Variants in TBL1Y observed in about 807,000 individuals in gnomAD.
TBL1Y encodes the protein F-box-like/WD repeat-containing protein TBL1Y.
A neutral mutation model predicts 12.0 loss-of-function variants in TBL1Y; 15 were observed. The observed-to-expected ratio is 1.25, with a 90% CI of 0.83 to 1.92. TBL1Y has a LOEUF of 1.92. Ranked by LOEUF, TBL1Y falls within the 40% of genes most tolerant of loss-of-function variation. TBL1Y has a pLI of 0.00. For missense variants in TBL1Y, 148 were observed against 116.7 expected, an observed-to-expected ratio of 1.27 and a Z score of -1.24; for synonymous variants, 53 against 42.6, an observed-to-expected ratio of 1.24 and a Z score of -0.95.
At chrY:6,981,933 C>G (rs2012284689) in intron 3 of TBL1Y, among the ~76,000 whole-genome samples, 1 of 33,111 alleles carries the variant, frequency 3.0e-5, no homozygotes, top group East Asian at 7.9e-4. Context: ...GATTACTGCT[C>G]AGTAGTGCCC....
chrY:7,064,292 T>C, intron 8 of TBL1Y, 143 bp downstream of exon 8: 2 of 177,221 alleles, frequency 1.1e-5, no homozygotes, highest in South Asian at 5.1e-5. Context: ...GCTTTCAATC[T>C]ACCCAGAAGA....
chrY:7,058,807 G>A (rs946322280), intron 7 of TBL1Y, among the ~76,000 whole-genome samples: 1 of 33,076 alleles, frequency 3.0e-5, no homozygotes, highest in African/African-American at 1.2e-4. Flanking sequence ...TCAAAGAAAC[G>A]CATTTCAAAG....
chrY:7,065,014 T>C (rs946886917), intron 8 of TBL1Y, among the ~76,000 whole-genome samples: 4 of 33,592 alleles, frequency 1.2e-4, no homozygotes, highest in Non-Finnish European at 2.9e-4. Context: ...ATACCCAGCT[T>C]GTACCTACAG....
At chrY:7,078,046 C>T in intron 13 of TBL1Y, among the ~76,000 whole-genome samples, 1 of 33,300 alleles carries the variant, frequency 3.0e-5, no homozygotes, top group South Asian at 6.9e-4. Flanking sequence ...CATGGTGGCT[C>T]ACACTAGCAG....
At chrY:6,997,773 G>A in intron 4 of TBL1Y, among the ~76,000 whole-genome samples, 1 of 34,094 alleles carries the variant, frequency 2.9e-5, no homozygotes, top group East Asian at 7.9e-4. Context: ...AATGCATTGG[G>A]TTAGTTTCTG....
chrY:7,051,476 C>G (rs747358935), intron 7 of TBL1Y, among the ~76,000 whole-genome samples: 1 of 33,756 alleles, frequency 3.0e-5, no homozygotes, highest in African/African-American at 1.1e-4. Flanking sequence ...GCATACCAGC[C>G]TGGGCAACAA....
chrY:6,934,002 A>G (rs2011884365), intron 2 of TBL1Y, among the ~76,000 whole-genome samples: 1 of 33,230 alleles, frequency 3.0e-5, no homozygotes, highest in South Asian at 7.0e-4. Context: ...GTCTGCATAT[A>G]TTCCGTGGAA....
chrY:6,943,758 T>G (rs2011967890), intron 2 of TBL1Y, among the ~76,000 whole-genome samples: 1 of 34,096 alleles, frequency 2.9e-5, no homozygotes, highest in Non-Finnish European at 7.3e-5. Flanking sequence ...AACTAAAGCA[T>G]GAAGATGGTC....
chrY:6,973,908 G>A, intron 2 of TBL1Y, among the ~76,000 whole-genome samples: 1 of 33,255 alleles, frequency 3.0e-5, no homozygotes, highest in Non-Finnish European at 7.4e-5. Flanking sequence ...CCTAAGAAGC[G>A]TGTGTAAATG....
At chrY:6,943,680 C>T (rs2011967287) in intron 2 of TBL1Y, among the ~76,000 whole-genome samples, 1 of 33,678 alleles carries the variant, frequency 3.0e-5, no homozygotes, top group African/African-American at 1.2e-4. Flanking sequence ...CCACAAAAAC[C>T]AAGCAACCAA....
At chrY:6,958,959 G>A (rs1603029874) in intron 2 of TBL1Y, among the ~76,000 whole-genome samples, 9 of 33,401 alleles carry the variant, frequency 2.7e-4, no homozygotes, top group Non-Finnish European at 5.2e-4. Flanking sequence ...TTACTAACCC[G>A]CCTCAGCACA....
chrY:6,915,503 T>G (rs2011728326), intron 2 of TBL1Y, among the ~76,000 whole-genome samples: 1 of 33,449 alleles, frequency 3.0e-5, no homozygotes, highest in African/African-American at 1.2e-4. Flanking sequence ...TCAGTGAGGA[T>G]AGGGGAAAAA....
At chrY:6,995,458 A>G in intron 3 of TBL1Y, among the ~76,000 whole-genome samples, 2 of 33,862 alleles carry the variant, frequency 5.9e-5, no homozygotes, top group South Asian at 1.4e-3. Flanking sequence ...GTAACAAGGC[A>G]GTACTCTGAG....
At chrY:6,915,371 C>T (rs770972561) in intron 2 of TBL1Y, among the ~76,000 whole-genome samples, 2 of 34,089 alleles carry the variant, frequency 5.9e-5, no homozygotes, top group South Asian at 1.3e-3. Flanking sequence ...CCTTAAATCA[C>T]GACTGTTAGC....
At chrY:6,993,095 G>A (rs899200430) in intron 3 of TBL1Y, among the ~76,000 whole-genome samples, 6 of 33,218 alleles carry the variant, frequency 1.8e-4, no homozygotes, top group East Asian at 7.9e-4. Flanking sequence ...AATGGCTCAC[G>A]TTACCATTAA....
At chrY:6,914,446 T>C (rs2011720059) in intron 2 of TBL1Y, among the ~76,000 whole-genome samples, 1 of 31,774 alleles carries the variant, frequency 3.1e-5, no homozygotes, top group Non-Finnish European at 7.6e-5. Flanking sequence ...TCCTAGCACT[T>C]TGGGAGGCTG....
chrY:6,970,537 C>T (rs753485657), intron 2 of TBL1Y, among the ~76,000 whole-genome samples: 1 of 33,373 alleles, frequency 3.0e-5, no homozygotes, highest in East Asian at 8.0e-4. Flanking sequence ...GGTGATGTAC[C>T]TGTCTTGGCG....
chrY:7,043,121 A>G lies in TBL1Y; in HGVS notation c.200A>G (p.Asn67Ser). The G allele has an allele frequency of 2.5e-6, 1 of 396,425 alleles. No individual in the cohort carries two copies. The highest frequency in any genetic ancestry group is 7.6e-5 in the Admixed American group (1 of 13,115). Residue 67 changes from asparagine (N) to serine (S), a missense_variant, in exon 7 of 19, where the codon AAC (asparagine) becomes AGC (serine). Asn to Ser is a conservative substitution (Grantham distance 46). Coordinates refer to ENST00000383032, the MANE Select transcript of TBL1Y (RefSeq NM_033284.2). ...LQYVEAEISI[N>S]KDGTVFDSRP... ...TATGTAGAGGCTGAGATAAGCATCA[A>G]CAAGGTATGTAGCTGCTGGGCCTGG...
At chrY:7,062,228 C>T (rs2012876484) in intron 7 of TBL1Y, among the ~76,000 whole-genome samples, 1 of 32,898 alleles carries the variant, frequency 3.0e-5, no homozygotes, top group Non-Finnish European at 7.5e-5. Flanking sequence ...TTTTGAGGTG[C>T]CAGATTAGGT....
Sources: allele counts gnomAD v4.1 joint callset (sites outside exome capture counted in the v4.1 genomes callset), GRCh38; gene constraint gnomAD v4.1.1; transcripts MANE v1.5; gene names NCBI Gene and HGNC (gene_info 2026-07-23, HGNC 2026-07-21).